The following GLIS3 variants were observed in gnomAD, a reference collection of about 807,000 sequenced individuals.
GLIS3 encodes zinc finger protein GLIS3.
A neutral mutation model predicts 78.6 loss-of-function variants in GLIS3; 53 were observed. The observed-to-expected ratio is 0.67, with a 90% CI of 0.54 to 0.85. The LOEUF (loss-of-function observed/expected upper bound fraction) is 0.85, where lower values mean the gene tolerates loss of function less well. Among genes scored for constraint, GLIS3 ranks in the 40% least tolerant of loss-of-function variants. The pLI is 0.00. For missense variants in GLIS3, 1,703 were observed against 1,231.1 expected (o/e 1.38, Z -5.74); for synonymous variants, 684 against 509.9 (o/e 1.34, Z -4.60).
intron 4 of GLIS3, among the ~76,000 whole-genome samples, chr9:4,104,373 A>G (rs1161506806): frequency 6.6e-6 from 1 of 152,136 alleles, no homozygotes; most frequent in East Asian, 1.9e-4. Context: ...AGGTCTACCT[A>G]TGTTTAGATA....
At chr9:4,418,805 A>C in the GLIS3 span, among the ~76,000 whole-genome samples, 4 of 152,240 alleles carry the variant, frequency 2.6e-5, no homozygotes. Context: ...GTCTTTAAGA[A>C]AGAGTAAGAT....
At chr9:4,028,687 G>C (rs775241686) in intron 4 of GLIS3, among the ~76,000 whole-genome samples, 4 of 151,622 alleles carry the variant, frequency 2.6e-5, no homozygotes, top group Non-Finnish European at 4.4e-5. Flanking sequence ...CAACACTATA[G>C]ATCACTTTTT....
At chr9:4,465,367 G>C in the GLIS3 span, among the ~76,000 whole-genome samples, 2 of 152,214 alleles carry the variant, frequency 1.3e-5, no homozygotes, top group South Asian at 4.1e-4. Flanking sequence ...GGCCAACGTG[G>C]TGAAACCACA....
At chr9:4,150,990 C>A (rs184057214) in intron 2 of GLIS3, 1 of 152,082 alleles carries the variant, frequency 6.6e-6, no homozygotes, top group Admixed American at 6.5e-5. Context: ...GTGAAGATGG[C>A]AGATGATCGA....
At chr9:3,894,928 C>G (rs1268749078) in intron 7 of GLIS3, among the ~76,000 whole-genome samples, 1 of 152,192 alleles carries the variant, frequency 6.6e-6, no homozygotes, top group African/African-American at 2.4e-5. Flanking sequence ...CTCAACCACA[C>G]TGGCCTCTAT....
rs558188024 is a variant in GLIS3, at chr9:4,154,866, G to A, written c.389-28925C>T. ...TTTAAAGATATTTGGTACAACGTAA[G>A]TTCAGTAAAAAAGAAAGCAAACTTG... On this transcript the variant is annotated intron_variant, in intron 2 of 10. Transcript: ENST00000381971. Among the ~76,000 whole-genome samples the A allele has an allele frequency of 1.8e-3, 270 of 152,240 alleles. 1 individual carries two copies. Among genetic ancestry groups the A allele is most frequent in the African/African-American group, 6.3e-3 (263 of 41,540 alleles).
At chr9:4,046,131 C>G (rs948755387) in intron 4 of GLIS3, among the ~76,000 whole-genome samples, 1 of 152,134 alleles carries the variant, frequency 6.6e-6, no homozygotes, top group Non-Finnish European at 1.5e-5. Flanking sequence ...TTTATAAGGT[C>G]TCTTATGGCA....
intron 9 of GLIS3, among the ~76,000 whole-genome samples, chr9:3,839,600 G>A (rs1359511938): frequency 1.3e-5 from 2 of 151,904 alleles, no homozygotes; most frequent in African/African-American, 2.4e-5. Context: ...AAAAAGGGGG[G>A]AGAAGTTAAA....
chr9:4,217,960 T>C lies in GLIS3; in HGVS notation c.388+68078A>G, dbSNP rs535919707. Among the ~76,000 whole-genome samples, 7 of 152,358 alleles carry C rather than the reference T, an allele frequency of 4.6e-5. No homozygotes were observed. In the South Asian group the frequency reaches 6.2e-4, roughly 14 times the overall value. On this transcript the variant is annotated intron_variant, in intron 2 of 10. Transcript: ENST00000381971. The stretch of plus-strand genomic sequence containing the variant: ...GACTTATTTAGCATCTGCTGTGAGA[T>C]TGAAAAGCTCATCAAAATGGACTTT...
chr9:3,889,890 A>G (rs899421782), intron 7 of GLIS3, among the ~76,000 whole-genome samples: 1 of 152,246 alleles, frequency 6.6e-6, no homozygotes, highest in East Asian at 1.9e-4. Context: ...GCTGATTCTC[A>G]GTGTAATAAC....
Position 4,173,327 on chromosome 9 carries a change from C to A in GLIS3, c.389-47386G>T, listed in dbSNP as rs1026278000. Among the ~76,000 whole-genome samples, 6 of 152,262 alleles carry A rather than the reference C, an allele frequency of 3.9e-5. No homozygotes were observed. In the East Asian group the frequency reaches 1.2e-3, roughly 29 times the overall value. ...GCAATTATGCTCAAGCTTCAGGTGG[C>A]AAATATGTTTTCTCCTTTTTCTTTC... On this transcript the variant is annotated intron_variant, in intron 2 of 10. Coordinates refer to ENST00000381971, the MANE Select transcript of GLIS3 (RefSeq NM_001042413.2).
At chr9:3,959,187 G>A (rs910217888) in intron 4 of GLIS3, among the ~76,000 whole-genome samples, 13 of 152,192 alleles carry the variant, frequency 8.5e-5, no homozygotes, top group Non-Finnish European at 7.3e-5. Flanking sequence ...GAGCCCTCTT[G>A]AATGGGATTA....
chr9:4,273,678 A>G (rs1826729731), intron 2 of GLIS3, among the ~76,000 whole-genome samples: 1 of 152,166 alleles, frequency 6.6e-6, no homozygotes, highest in African/African-American at 2.4e-5. Context: ...TCAGAAGTAA[A>G]TGCCATTTTC....
At chr9:4,206,439 G>C (rs1416508746) in intron 2 of GLIS3, among the ~76,000 whole-genome samples, 1 of 152,188 alleles carries the variant, frequency 6.6e-6, no homozygotes, top group African/African-American at 2.4e-5. Flanking sequence ...CCAACTGAAA[G>C]TCATGATAAT....
chr9:4,195,566 T>TGCCCGAGCTCCCCTCCAC (rs1554615710), intron 2 of GLIS3, among the ~76,000 whole-genome samples: 1 of 152,228 alleles, frequency 6.6e-6, no homozygotes, highest in Non-Finnish European at 1.5e-5. Context: ...CAGCCCGCCA[T>TGCCCGAGCTCCCCTCCAC]GCCCGAGCTC....
the GLIS3 span, among the ~76,000 whole-genome samples, chr9:4,413,971 C>T: frequency 6.6e-6 from 1 of 152,038 alleles, no homozygotes; most frequent in East Asian, 1.9e-4. Flanking sequence ...AGACCTGTGG[C>T]CAGATGTTTC....
chr9:4,405,970 G>A, the GLIS3 span, among the ~76,000 whole-genome samples: 3 of 152,172 alleles, frequency 2.0e-5, no homozygotes, highest in Non-Finnish European at 4.4e-5. Context: ...AAATCCATAT[G>A]ATCATTTCAA....
At chr9:4,213,685 C>G (rs1330032821) in intron 2 of GLIS3, among the ~76,000 whole-genome samples, 1 of 151,990 alleles carries the variant, frequency 6.6e-6, no homozygotes, top group African/African-American at 2.4e-5. Flanking sequence ...CTGCTGAAAC[C>G]CTGGCATGCG....
the GLIS3 span, among the ~76,000 whole-genome samples, chr9:4,430,698 G>A: frequency 6.6e-6 from 1 of 152,058 alleles, no homozygotes; most frequent in African/African-American, 2.4e-5. Context: ...AGCCCCAATG[G>A]CCACTGGAGA....
Sources: gnomAD v4.1 joint callset for allele counts (sites outside exome capture counted in the v4.1 genomes callset) on GRCh38, gnomAD v4.1.1 for gene constraint, MANE v1.5 for transcripts, NCBI Gene and HGNC (gene_info 2026-07-23, HGNC 2026-07-21) for gene names.